The following RGS22 variants were observed in gnomAD, a reference collection of about 807,000 sequenced individuals.
RGS22 encodes regulator of G protein signaling 22, also known as regulator of G-protein signaling 22.
A neutral mutation model predicts 172.9 loss-of-function variants in RGS22; 148 were observed. The ratio of observed to expected loss-of-function variants is 0.86; its 90% confidence interval spans 0.75 to 0.98. RGS22 has a LOEUF of 0.98. Among genes scored for constraint, RGS22 ranks in the 50% least tolerant of loss-of-function variants. The pLI, the probability that RGS22 is intolerant of heterozygous loss-of-function variation, is 0.00. For synonymous variants in RGS22, 458 were observed against 480.2 expected, an observed-to-expected ratio of 0.95 and a Z score of 0.60; for missense variants, 1,347 against 1,440.8, an observed-to-expected ratio of 0.93 and a Z score of 1.05.
At chr8:100,072,279 T>C (rs764339140) in intron 4 of RGS22, 49 bp from the exon 5 acceptor site, 8 of 1,164,390 alleles carry the variant, frequency 6.9e-6, no homozygotes, top group Non-Finnish European at 8.6e-6. Flanking sequence ...AAAATCACTT[T>C]TAGGATGATT....
chr8:100,005,588 C>T (rs1815604313), intron 16 of RGS22, among the ~76,000 whole-genome samples: 1 of 152,144 alleles, frequency 6.6e-6, no homozygotes, highest in African/African-American at 2.4e-5. Context: ...CAATTCCTTC[C>T]CATACTTTTT....
intron 23 of RGS22, among the ~76,000 whole-genome samples, 166 bp downstream of exon 23, chr8:99,977,751 A>C (rs1812132332): frequency 6.6e-6 from 1 of 152,236 alleles, no homozygotes; most frequent in African/African-American, 2.4e-5. Flanking sequence ...AAATGAATTT[A>C]GAGGAATTCC....
chr8:100,035,956 T>G (rs1177314132), intron 14 of RGS22, among the ~76,000 whole-genome samples: 3 of 151,750 alleles, frequency 2.0e-5, no homozygotes, highest in African/African-American at 4.9e-5. Context: ...TGGGGCCTGT[T>G]GTGGAGTGGG....
At chr8:100,041,365 C>T (rs1210095905) in intron 12 of RGS22, among the ~76,000 whole-genome samples, 2 of 152,046 alleles carry the variant, frequency 1.3e-5, no homozygotes, top group Non-Finnish European at 2.9e-5. Context: ...GTGGTGTGCG[C>T]CTGTAGTCCC....
intron 23 of RGS22, among the ~76,000 whole-genome samples, chr8:99,966,440 T>A (rs1810740967): frequency 6.6e-6 from 1 of 150,870 alleles, no homozygotes; most frequent in Non-Finnish European, 1.5e-5. Flanking sequence ...AAAAAATTAA[T>A]TAAATTTCCT....
At chr8:99,998,474 G>A (rs1205009398) in intron 19 of RGS22, among the ~76,000 whole-genome samples, 2 of 152,110 alleles carry the variant, frequency 1.3e-5, no homozygotes, top group African/African-American at 2.4e-5. Flanking sequence ...AGAGGCTGAG[G>A]CAGGAAGATT....
At chr8:99,996,360 AGT>A (rs1441387416) in intron 20 of RGS22, 100 bp downstream of exon 20, 6 of 897,130 alleles carry the variant, frequency 6.7e-6, no homozygotes, top group African/African-American at 3.3e-5. Flanking sequence ...TTTAGAAAAC[AGT>A]GTGTCCTCAG....
At position 100,065,319 on chromosome 8, in the gene RGS22, C is replaced by T. The variant is rs80036780; in HGVS notation, c.724+848G>A. Among the ~76,000 whole-genome samples the T allele has an allele frequency of 5.2e-3, 788 of 152,298 alleles. 9 individuals carry two copies. The highest frequency in any genetic ancestry group is 6.4e-3 in the Non-Finnish European group (434 of 68,020). On this transcript the variant is annotated intron_variant, in intron 7 of 27. Transcript: ENST00000360863. ...ATTCCAGCTCACCATCTCCTGCCAT[C>T]CTTCTCTTCCTGTATACTATTTTTA... is the stretch of plus-strand genomic sequence containing the variant.
intron 2 of RGS22, among the ~76,000 whole-genome samples, chr8:100,097,310 A>T (rs1813054439): frequency 6.6e-6 from 1 of 152,260 alleles, no homozygotes; most frequent in East Asian, 1.9e-4. Context: ...TTCAGTGTAT[A>T]AATTGTGCAT....
intron 11 of RGS22, among the ~76,000 whole-genome samples, chr8:100,044,969 C>T (rs1190831694): frequency 6.6e-6 from 1 of 152,040 alleles, no homozygotes; most frequent in African/African-American, 2.4e-5. Flanking sequence ...AAACGGAAAC[C>T]CAACATAGTT....
At chr8:100,065,060 C>T (rs946210124) in intron 7 of RGS22, among the ~76,000 whole-genome samples, 1 of 152,220 alleles carries the variant, frequency 6.6e-6, no homozygotes, top group East Asian at 1.9e-4. Flanking sequence ...AAATCTGCGC[C>T]TTGAATTGCC....
intron 23 of RGS22, among the ~76,000 whole-genome samples, chr8:99,968,124 G>C (rs1175191654): frequency 2.6e-5 from 4 of 152,196 alleles, no homozygotes; most frequent in Admixed American, 2.0e-4. Flanking sequence ...AACTCCAGCA[G>C]ACCTGCAGAA....
intron 6 of RGS22, among the ~76,000 whole-genome samples, chr8:100,070,027 CAAAAAAAAAAA>C (rs777398611): frequency 1.5e-4 from 6 of 39,894 alleles, no homozygotes; most frequent in Non-Finnish European, 2.7e-4. Context: ...GACTCTGTCT[CAAAAAAAAAAA>C]AAAAAAAAAA....
chr8:100,093,600 T>C (rs1438532401), intron 2 of RGS22, 91 bp from the exon 3 acceptor site: 13 of 822,412 alleles, frequency 1.6e-5, no homozygotes, highest in Non-Finnish European at 2.6e-5. Context: ...GAATTTATTA[T>C]CACATAGATC....
At chr8:99,978,405 A>G (rs868225986) in intron 22 of RGS22, among the ~76,000 whole-genome samples, 8 of 152,184 alleles carry the variant, frequency 5.3e-5, no homozygotes, top group African/African-American at 1.2e-4. Flanking sequence ...CTTTTAAAAC[A>G]TATACTAGTT....
At chr8:100,009,335 C>T (rs1816096972) in intron 14 of RGS22, among the ~76,000 whole-genome samples, 1 of 150,466 alleles carries the variant, frequency 6.6e-6, no homozygotes. Context: ...GAAGTAATTG[C>T]TTGAACCCGG....
chr8:99,999,158 T>TAA (rs754246728), intron 19 of RGS22, 104 bp downstream of exon 19: 8,341 of 870,242 alleles, frequency 9.6e-3, no homozygotes, highest in South Asian at 0.016. Flanking sequence ...GCCCATTCCT[T>TAA]AAAAAAAAAA....
chr8:100,044,366 C>T (rs1436589077), intron 11 of RGS22, among the ~76,000 whole-genome samples: 2 of 152,236 alleles, frequency 1.3e-5, no homozygotes, highest in African/African-American at 4.8e-5. Context: ...CCTGCATCAG[C>T]CTCCCGAGTA....
chr8:100,012,965 G>A (rs150502415), intron 14 of RGS22, among the ~76,000 whole-genome samples: 4 of 150,080 alleles, frequency 2.7e-5, no homozygotes, highest in Non-Finnish European at 1.5e-5. Flanking sequence ...TAGAAATCAG[G>A]ATAACGCCTT....
Sources: gnomAD v4.1 joint callset for allele counts (sites outside exome capture counted in the v4.1 genomes callset) on GRCh38, gnomAD v4.1.1 for gene constraint, MANE v1.5 for transcripts, NCBI Gene and HGNC (gene_info 2026-07-23, HGNC 2026-07-21) for gene names.